NWD1: variants seen among roughly 807,000 people sequenced by gnomAD.
The protein encoded by NWD1 is NACHT domain- and WD repeat-containing protein 1.
In NWD1, 129 loss-of-function variants were observed where a neutral mutation model predicts 135.1. That is an observed-to-expected ratio of 0.96 (90% confidence interval 0.83 to 1.11). The LOEUF (loss-of-function observed/expected upper bound fraction) is 1.11. NWD1 is among the 50% of genes least tolerant of loss of function. The probability of loss-of-function intolerance (pLI) is 0.00; values close to 1 mark genes in which losing one functional copy is unlikely to be tolerated. For missense variants in NWD1, 1,740 were observed against 1,851.3 expected (o/e 0.94, Z 1.10); for synonymous variants, 773 against 786.0 (o/e 0.98, Z 0.28).
chr19:16,795,361 C>G (rs1176316860), intron 15 of NWD1, among the ~76,000 whole-genome samples: 1 of 151,910 alleles, frequency 6.6e-6, no homozygotes, highest in East Asian at 1.9e-4. Context: ...AAAGGAAACA[C>G]AAGGGGTCCA....
At position 16,759,422 on chromosome 19, in the gene NWD1, CCCA is replaced by C. The variant is rs1968926478; in HGVS notation, c.1969_1971del (p.His657del). 1 of 1,557,902 alleles carries C rather than the reference CCCA, an allele frequency of 6.4e-7. No individual in the cohort carries two copies. Among genetic ancestry groups the C allele is most frequent in the East Asian group, 2.4e-5 (1 of 41,574 alleles). On this transcript the variant is annotated inframe_deletion, in exon 7 of 19. Transcript: ENST00000524140. ...GATGGCTTCACCCTCCTGGCCATTGCCCACAGGTAGGTCCAGGCAGCAGTGGCA... is the reference window on the plus strand; with the variant it reads ...GATGGCTTCACCCTCCTGGCCATTGCCAGGTAGGTCCAGGCAGCAGTGGCA...
At chr19:16,754,280 C>T (rs1211813944) in intron 6 of NWD1, among the ~76,000 whole-genome samples, 41 of 151,278 alleles carry the variant, frequency 2.7e-4, no homozygotes, top group Non-Finnish European at 1.5e-5. Context: ...TCTCTATATT[C>T]CATCCATCCA....
chr19:16,740,829 G>C (rs1968049613), intron 4 of NWD1, among the ~76,000 whole-genome samples: 1 of 151,952 alleles, frequency 6.6e-6, no homozygotes, highest in Non-Finnish European at 1.5e-5. Context: ...CTGGCATTAA[G>C]ACCAAAATTT....
intron 5 of NWD1, among the ~76,000 whole-genome samples, chr19:16,748,739 G>T (rs767716021): frequency 2.0e-5 from 3 of 152,158 alleles, no homozygotes; most frequent in Middle Eastern, 3.4e-3. Flanking sequence ...TGGAAGGATC[G>T]CTTGAGCCTA....
intron 13 of NWD1, 77 bp from the exon 14 acceptor site, chr19:16,791,273 A>G: frequency 7.9e-7 from 1 of 1,264,290 alleles, no homozygotes; most frequent in South Asian, 1.3e-5. Flanking sequence ...AAGAGAAGGC[A>G]TCTTGCATTT....
chr19:16,791,000 G>A (rs1970224968), intron 13 of NWD1, among the ~76,000 whole-genome samples: 1 of 152,140 alleles, frequency 6.6e-6, no homozygotes, highest in South Asian at 2.1e-4. Flanking sequence ...GAGAGGCTGA[G>A]CAGGGAGGAT....
intron 12 of NWD1, 22 bp from the exon 13 acceptor site, chr19:16,788,960 C>T (rs1309864190): frequency 5.0e-6 from 8 of 1,589,840 alleles, no homozygotes; most frequent in African/African-American, 1.3e-5. Context: ...AATATACTCT[C>T]CCCTACCCTG....
At chr19:16,747,168 C>A in intron 5 of NWD1, among the ~76,000 whole-genome samples, 1 of 151,080 alleles carries the variant, frequency 6.6e-6, no homozygotes, top group Non-Finnish European at 1.5e-5. Flanking sequence ...TCCTAAGTTG[C>A]TGGGATTACA....
chr19:16,781,812 G>C (rs1455427178), intron 12 of NWD1, among the ~76,000 whole-genome samples: 1 of 152,000 alleles, frequency 6.6e-6, no homozygotes, highest in African/African-American at 2.4e-5. Context: ...TCTAATCTAG[G>C]CCAGGTGCAG....
chr19:16,737,964 C>CGAAAAGAAAA (rs60410383), intron 4 of NWD1, among the ~76,000 whole-genome samples: 18,563 of 124,618 alleles, frequency 0.15, 2,456 homozygotes, highest in African/African-American at 0.33. Flanking sequence ...GACTCTATCT[C>CGAAAAGAAAA]GAAAAGAAAA....
chr19:16,759,377 A>G lies in NWD1; in HGVS notation c.1922A>G (p.Tyr641Cys), dbSNP rs1416948309. The G allele has an allele frequency of 3.7e-6, 6 of 1,606,324 alleles. No homozygotes were observed. In the African/African-American group the frequency reaches 4.0e-5, roughly 11 times the overall value. ...WVRLRRDLGY[Y>C]LARRPVDGFT... is the part of the protein sequence containing the mutation. ...CGGCTTCGTCGGGATCTGGGATACT[A>G]CTTGGCCCGGCGGCCCGTGGATGGC... Residue 641 changes from tyrosine (Y) to cysteine (C), a missense_variant, in exon 7 of 19, where the codon TAC becomes TGC. By Grantham distance (194) the Tyr-to-Cys change is radical. Coordinates refer to ENST00000524140, the MANE Select transcript of NWD1 (RefSeq NM_001007525.5).
chr19:16,776,773 TAAA>T (rs554653148), intron 11 of NWD1, among the ~76,000 whole-genome samples: 3 of 66,462 alleles, frequency 4.5e-5, no homozygotes, highest in Admixed American at 1.7e-4. Context: ...TACAAAAAGT[TAAA>T]AAAAAAAAAA....
intron 12 of NWD1, among the ~76,000 whole-genome samples, chr19:16,783,234 C>T (rs113874288): frequency 0.048 from 7,267 of 151,872 alleles, 559 homozygotes; most frequent in African/African-American, 0.17. Context: ...TGGGTCTCAC[C>T]GTGTTTCCCA....
intron 7 of NWD1, among the ~76,000 whole-genome samples, 189 bp downstream of exon 7, chr19:16,759,617 C>T (rs1968932564): frequency 6.6e-6 from 1 of 152,156 alleles, no homozygotes; most frequent in South Asian, 2.1e-4. Context: ...TGGCTCATGC[C>T]TATAATCCCA....
chr19:16,727,024 GGGTGGGACTTTCGTCAAGC>G (rs1967356947), intron 2 of NWD1, among the ~76,000 whole-genome samples: 1 of 152,160 alleles, frequency 6.6e-6, no homozygotes, highest in Non-Finnish European at 1.5e-5. Flanking sequence ...GGGCAGAATG[GGGTGGGACTTTCGTCAAGC>G]GGTTGTCTTT....
At chr19:16,767,218 C>T (rs1222657247) in intron 10 of NWD1, among the ~76,000 whole-genome samples, 4 of 130,490 alleles carry the variant, frequency 3.1e-5, no homozygotes, top group Admixed American at 1.9e-4. Flanking sequence ...CTCGCTCTGT[C>T]GCCCAGGCTG....
intron 12 of NWD1, among the ~76,000 whole-genome samples, chr19:16,784,739 G>A (rs948551644): frequency 6.6e-6 from 1 of 151,956 alleles, no homozygotes; most frequent in East Asian, 1.9e-4. Flanking sequence ...GACCATCCTG[G>A]CCAACATGGT....
chr19:16,807,980 A>T lies in NWD1; in HGVS notation c.4131A>T (p.Ala1377=), dbSNP rs370951450. The change falls in exon 18 of 19, where the codon GCA becomes GCT. Residue 1377 remains alanine, a synonymous_variant. Coordinates refer to ENST00000524140, the MANE Select transcript of NWD1 (RefSeq NM_001007525.5). ...TNGDLFLYEC[A]TSKAFPLETH... is the part of the protein sequence containing the mutation. ...GGGACCTCTTTCTTTACGAGTGTGC[A>T]ACTTCCAAAGCGTTTCCCTTGGAGA... is the stretch of plus-strand genomic sequence containing the variant. 9 of 1,613,996 alleles carry T rather than the reference A, an allele frequency of 5.6e-6. No individual in the cohort carries two copies. In the African/African-American group the frequency reaches 1.2e-4, roughly 22 times the overall value.
chr19:16,809,008 C>T (rs777438959), intron 18 of NWD1, among the ~76,000 whole-genome samples: 2 of 152,048 alleles, frequency 1.3e-5, no homozygotes, highest in Non-Finnish European at 2.9e-5. Context: ...TGATTGAGCC[C>T]GGATGCCACT....
Sources: allele counts gnomAD v4.1 joint callset (sites outside exome capture counted in the v4.1 genomes callset), GRCh38; gene constraint gnomAD v4.1.1; transcripts MANE v1.5; gene names NCBI Gene and HGNC (gene_info 2026-07-23, HGNC 2026-07-21).